The following GPM6B variants were observed in gnomAD, a reference collection of about 807,000 sequenced individuals.
The protein encoded by GPM6B is glycoprotein M6B, also known as neuronal membrane glycoprotein M6-b.
In GPM6B, 4 loss-of-function variants were observed where a neutral mutation model predicts 27.2. The ratio of observed to expected loss-of-function variants is 0.15; its 90% CI spans 0.07 to 0.34. The LOEUF (loss-of-function observed/expected upper bound fraction) is 0.34, where lower values mean the gene tolerates loss of function less well. Among genes scored for constraint, GPM6B ranks in the 10% least tolerant of loss-of-function variants. The pLI is 1.00. For synonymous variants in GPM6B, 124 were observed against 103.1 expected (o/e 1.20, Z -1.23); for missense variants, 183 against 261.9 (o/e 0.70, Z 2.08).
intron 1 of GPM6B, among the ~76,000 whole-genome samples, chrX:13,926,103 C>T (rs1199060755): frequency 9.6e-6 from 1 of 104,630 alleles, no homozygotes; most frequent in Non-Finnish European, 1.9e-5. Context: ...ACTCAAAATC[C>T]TGACAGGTAT....
intron 1 of GPM6B, among the ~76,000 whole-genome samples, chrX:13,929,464 A>C (rs768507061): frequency 4.5e-5 from 5 of 111,733 alleles, no homozygotes; most frequent in Non-Finnish European, 7.5e-5. Flanking sequence ...AACTAAAAAA[A>C]ACCAAGCATT....
At chrX:13,876,953 C>A (rs1033104791) in intron 1 of GPM6B, among the ~76,000 whole-genome samples, 5 of 111,101 alleles carry the variant, frequency 4.5e-5, no homozygotes, top group Non-Finnish European at 9.4e-5. Context: ...GGCTGTAGTT[C>A]ATGCAAGTGC....
At chrX:13,926,229 C>A (rs1921182784) in intron 1 of GPM6B, among the ~76,000 whole-genome samples, 1 of 105,308 alleles carries the variant, frequency 9.5e-6, no homozygotes, top group Non-Finnish European at 1.9e-5. Context: ...CGGTGAAACC[C>A]CGTCTCTACT....
intron 5 of GPM6B, among the ~76,000 whole-genome samples, chrX:13,777,904 C>CT (rs2048443358): frequency 8.9e-6 from 1 of 112,165 alleles, no homozygotes; most frequent in Non-Finnish European, 1.9e-5. Flanking sequence ...TACACTCAAA[C>CT]TTTCATGGCA....
chrX:13,908,707 A>G (rs1246831360), intron 1 of GPM6B, among the ~76,000 whole-genome samples: 1 of 112,786 alleles, frequency 8.9e-6, no homozygotes, highest in African/African-American at 3.2e-5. Context: ...ACGGTTTAAC[A>G]GAAACTTTGT....
chrX:13,832,217 A>C (rs2049447885), intron 1 of GPM6B, among the ~76,000 whole-genome samples: 1 of 111,664 alleles, frequency 9.0e-6, no homozygotes, highest in Non-Finnish European at 1.9e-5. Context: ...TGTGACTTTC[A>C]TGAAGCTACC....
At chrX:13,860,842 C>T (rs766176911) in intron 1 of GPM6B, among the ~76,000 whole-genome samples, 1 of 108,882 alleles carries the variant, frequency 9.2e-6, no homozygotes, top group South Asian at 4.1e-4. Context: ...CCTTTGCATC[C>T]TCATAACTTA....
chrX:13,892,172 C>T (rs1220338578), intron 1 of GPM6B, among the ~76,000 whole-genome samples: 1 of 111,769 alleles, frequency 8.9e-6, no homozygotes, highest in African/African-American at 3.3e-5. Flanking sequence ...CTGGAAATCC[C>T]TTTCTCAAGG....
intron 4 of GPM6B, chrX:13,781,056 TCCTCCCACTG>T (rs2048507640): frequency 7.9e-6 from 2 of 251,648 alleles, no homozygotes; most frequent in Non-Finnish European, 1.6e-5. Flanking sequence ...ACCTCCCACT[TCCTCCCACTG>T]CTGCTCCAGA....
intron 1 of GPM6B, among the ~76,000 whole-genome samples, chrX:13,923,468 T>C (rs1479749585): frequency 8.9e-6 from 1 of 112,562 alleles, no homozygotes; most frequent in Non-Finnish European, 1.9e-5. Context: ...ACATATAATC[T>C]CATTTGACAG....
chrX:13,908,875 C>A (rs966979634), intron 1 of GPM6B, among the ~76,000 whole-genome samples: 2 of 112,125 alleles, frequency 1.8e-5, no homozygotes, highest in Non-Finnish European at 3.8e-5. Flanking sequence ...CATGTGAGGG[C>A]TAAACTTCAG....
intron 1 of GPM6B, among the ~76,000 whole-genome samples, chrX:13,834,293 C>G (rs1198078242): frequency 8.9e-6 from 1 of 112,389 alleles, no homozygotes; most frequent in Admixed American, 9.4e-5. Context: ...GCCAAATCTA[C>G]AATATATTCA....
chrX:13,900,551 G>A (rs2050273446), intron 1 of GPM6B, among the ~76,000 whole-genome samples: 1 of 111,264 alleles, frequency 9.0e-6, no homozygotes, highest in African/African-American at 3.3e-5. Context: ...GTATTCTGAC[G>A]TCATGTAGTT....
At chrX:13,872,908 G>A (rs189846456) in intron 1 of GPM6B, among the ~76,000 whole-genome samples, 5 of 111,158 alleles carry the variant, frequency 4.5e-5, no homozygotes, top group African/African-American at 1.6e-4. Flanking sequence ...CTGAGAGGGA[G>A]TGCCCCCTTC....
intron 1 of GPM6B, among the ~76,000 whole-genome samples, chrX:13,831,072 C>G (rs940276960): frequency 3.6e-5 from 4 of 110,131 alleles, no homozygotes; most frequent in African/African-American, 1.3e-4. Flanking sequence ...CTTCCCCTTA[C>G]TGGCTCAATG....
In GPM6B at chrX:13,817,082, C is replaced by T; in HGVS notation, c.-178G>A. 9.8e-7 allele frequency: 1 copy of T among 1,020,088 alleles called. No homozygotes were observed. The highest frequency in any genetic ancestry group is 1.2e-6 in the Non-Finnish European group (1 of 805,201). 84.1% of individuals were successfully genotyped at this position (1,020,088 alleles called of 1,213,427 possible). On this transcript the variant is annotated 5_prime_UTR_variant, in exon 1 of 8. Coordinates refer to ENST00000316715, the MANE Select transcript of GPM6B (RefSeq NM_001001995.3). ...CAAGATGCAAAAGTCTTGTCAGCGTCAATTTCGCTCTGCCTACTGGTCCAT... is the reference window on the plus strand; with the variant it reads ...CAAGATGCAAAAGTCTTGTCAGCGTTAATTTCGCTCTGCCTACTGGTCCAT...
At position 13,772,797 on chromosome X, in the gene GPM6B, G is replaced by A; in HGVS notation, c.*84C>T. 1 of 903,625 alleles carries A rather than the reference G, an allele frequency of 1.1e-6. No individual in the cohort carries two copies. The highest frequency in any genetic ancestry group is 1.6e-6 in the Non-Finnish European group (1 of 637,085). 74.5% of individuals were successfully genotyped at this position (903,625 alleles called of 1,213,427 possible). ...GTTTGTACATCTACATTAGTTTGGT[G>A]GGATACACATCTGTACTGCAGAGCA... On this transcript the variant is annotated 3_prime_UTR_variant, in exon 8 of 8. Transcript: ENST00000316715.
intron 2 of GPM6B, among the ~76,000 whole-genome samples, chrX:13,800,583 T>A (rs1293523643): frequency 8.9e-6 from 1 of 112,326 alleles, no homozygotes; most frequent in Non-Finnish European, 1.9e-5. Context: ...TCAAATTCAA[T>A]AGTACTGTCT....
intron 3 of GPM6B, among the ~76,000 whole-genome samples, chrX:13,784,983 AC>A (rs2048582798): frequency 9.0e-6 from 1 of 111,496 alleles, no homozygotes; most frequent in Non-Finnish European, 1.9e-5. Flanking sequence ...GGCATCTGTT[AC>A]TTGGGAACAA....
Sources: allele counts gnomAD v4.1 joint callset (sites outside exome capture counted in the v4.1 genomes callset), GRCh38; gene constraint gnomAD v4.1.1; transcripts MANE v1.5; gene names NCBI Gene and HGNC (gene_info 2026-07-23, HGNC 2026-07-21).